The following DEFB119 variants were observed in gnomAD, a reference collection of about 807,000 sequenced individuals.
DEFB119 encodes the protein beta-defensin 119.
A neutral mutation model predicts 2.5 loss-of-function variants in DEFB119; 3 were observed. The ratio of observed to expected loss-of-function variants is 1.19; its 90% CI spans 0.54 to 3.07. DEFB119 has a LOEUF of 3.07. Ranked by LOEUF, DEFB119 falls within the 30% of genes most tolerant of loss-of-function variation. DEFB119 has a pLI of 0.03. For synonymous variants in DEFB119, 29 were observed against 33.7 expected (o/e 0.86, Z 0.48); for missense variants, 113 against 101.1 (o/e 1.12, Z -0.50).
intron 1 of DEFB119, among the ~76,000 whole-genome samples, chr20:31,387,621 C>T (rs1372863126): frequency 2.0e-5 from 3 of 152,170 alleles, no homozygotes; most frequent in Non-Finnish European, 4.4e-5. Context: ...CCTAGCTCTG[C>T]CCACAGACCC....
intron 1 of DEFB119, among the ~76,000 whole-genome samples, chr20:31,383,844 AAAATAAATAAAT>A (rs528889341): frequency 2.0e-5 from 3 of 151,620 alleles, no homozygotes; most frequent in Non-Finnish European, 2.9e-5. Flanking sequence ...CTCTGTCTCA[AAAATAAATAAAT>A]AAATAAATAA....
At chr20:31,382,799 G>T (rs1181713717) in intron 1 of DEFB119, among the ~76,000 whole-genome samples, 1 of 152,254 alleles carries the variant, frequency 6.6e-6, no homozygotes, top group African/African-American at 2.4e-5. Context: ...GCATGCAGAT[G>T]TAAATAAAAC....
Position 31,378,377 on chromosome 20 carries a change from C to T in DEFB119, c.62-938G>A, listed in dbSNP as rs747169738. 6 of 1,614,094 alleles carry T rather than the reference C, an allele frequency of 3.7e-6. No individual in the cohort carries two copies. In the Admixed American group the frequency reaches 5.0e-5, roughly 13 times the overall value. On this transcript the variant is annotated intron_variant, in intron 1 of 1. Coordinates refer to ENST00000376321, the MANE Select transcript of DEFB119 (RefSeq NM_153289.4). Reference sequence around the variant, plus strand: ...CTGGCAGTATCCAGGCAGCATCCCACTGTCCTCACCAGAGCTGTATCAGAG... The same window carrying T: ...CTGGCAGTATCCAGGCAGCATCCCATTGTCCTCACCAGAGCTGTATCAGAG...
At chr20:31,384,996 A>G (rs1049028719) in intron 1 of DEFB119, among the ~76,000 whole-genome samples, 2 of 152,242 alleles carry the variant, frequency 1.3e-5, no homozygotes, top group Admixed American at 6.5e-5. Flanking sequence ...AAAGAAAAGA[A>G]AACTGAAAAA....
At chr20:31,385,892 T>C (rs949477468) in intron 1 of DEFB119, among the ~76,000 whole-genome samples, 13 of 148,980 alleles carry the variant, frequency 8.7e-5, no homozygotes, top group African/African-American at 2.5e-5. Context: ...GAGAGACAGA[T>C]AGTGAGACAG....
At chr20:31,389,963 C>A (rs1336969800) in intron 1 of DEFB119, among the ~76,000 whole-genome samples, 1 of 152,092 alleles carries the variant, frequency 6.6e-6, no homozygotes, top group Non-Finnish European at 1.5e-5. Flanking sequence ...ATCCTCAACA[C>A]CAGCTCCACT....
At chr20:31,380,880 T>C (rs1986480684) in intron 1 of DEFB119, among the ~76,000 whole-genome samples, 1 of 152,230 alleles carries the variant, frequency 6.6e-6, no homozygotes, top group African/African-American at 2.4e-5. Context: ...TTTATCCTTT[T>C]TCAAATTTGT....
chr20:31,378,542 T>A, intron 1 of DEFB119: 1 of 1,288,832 alleles, frequency 7.8e-7, no homozygotes, highest in Non-Finnish European at 1.1e-6. Flanking sequence ...AAAAAGACAA[T>A]CAACAGAACT....
intron 1 of DEFB119, among the ~76,000 whole-genome samples, chr20:31,379,690 GTC>G (rs1986437939): frequency 6.8e-6 from 1 of 146,486 alleles, no homozygotes; most frequent in African/African-American, 2.5e-5. Flanking sequence ...GTGAGATGGA[GTC>G]TCTGTCTCTG....
At chr20:31,379,647 C>T (rs1360216768) in intron 1 of DEFB119, among the ~76,000 whole-genome samples, 2 of 142,062 alleles carry the variant, frequency 1.4e-5, no homozygotes, top group East Asian at 4.1e-4. Context: ...GTGCATGCCA[C>T]CACACCCAAC....
chr20:31,380,088 T>C (rs1053557890), intron 1 of DEFB119, among the ~76,000 whole-genome samples: 4 of 152,214 alleles, frequency 2.6e-5, no homozygotes, highest in Non-Finnish European at 5.9e-5. Context: ...TCACAGGGTG[T>C]TTCACAGAGT....
In DEFB119 at chr20:31,390,537, G is replaced by T. The variant is rs1260130202; in HGVS notation, c.-54C>A. ...CTGAGCTGCAGGGGAAGGAAATAGG[G>T]TTCCCTGCAGCACGGCAGAGATGAG... On this transcript the variant is annotated 5_prime_UTR_variant, in exon 1 of 2. Coordinates refer to ENST00000376321, the MANE Select transcript of DEFB119 (RefSeq NM_153289.4). 18 of 1,544,374 alleles carry T rather than the reference G, an allele frequency of 1.2e-5. No homozygotes were observed. Among genetic ancestry groups the T allele is most frequent in the Non-Finnish European group, 1.6e-5 (18 of 1,121,726 alleles).
At position 31,390,517 on chromosome 20, in the gene DEFB119, C is replaced by G. The variant is rs1197595273; in HGVS notation, c.-34G>C. On this transcript the variant is annotated 5_prime_UTR_variant, in exon 1 of 2. Transcript: ENST00000376321. Reference sequence around the variant, plus strand: ...GACCTGAGAGGAGGAGGTGGCTGAGCTGCAGGGGAAGGAAATAGGGTTCCC... The same window carrying G: ...GACCTGAGAGGAGGAGGTGGCTGAGGTGCAGGGGAAGGAAATAGGGTTCCC... 2 of 1,607,996 alleles carry G rather than the reference C, an allele frequency of 1.2e-6. No homozygotes were observed. Among genetic ancestry groups the G allele is most frequent in the Admixed American group, 3.4e-5 (2 of 58,792 alleles).
At chr20:31,381,779 C>G (rs1293752539) in intron 1 of DEFB119, among the ~76,000 whole-genome samples, 1 of 151,994 alleles carries the variant, frequency 6.6e-6, no homozygotes, top group African/African-American at 2.4e-5. Context: ...CCACTGCACT[C>G]CAGCCTGGGC....
rs569377570 is a variant in DEFB119 at position 31,385,850 on chromosome 20, A to G, written c.61+4573T>C. 1.1e-3 allele frequency among the ~76,000 whole-genome samples: 169 copies of G among 150,426 alleles called. 1 individual carries two copies. The highest frequency in any genetic ancestry group is 4.1e-3 in the African/African-American group (165 of 39,796). On this transcript the variant is annotated intron_variant, in intron 1 of 1. Coordinates refer to ENST00000376321, the MANE Select transcript of DEFB119 (RefSeq NM_153289.4). ...GCACTACTGCACTCCATCCTAGGCA[A>G]CCAAGCAAGACCGTGTCTCAAAAAA... is the stretch of plus-strand genomic sequence containing the variant.
At chr20:31,388,309 T>C (rs1986788778) in intron 1 of DEFB119, 1 of 985,706 alleles carries the variant, frequency 1.0e-6, no homozygotes, top group Non-Finnish European at 1.2e-6. Flanking sequence ...TGACGACATT[T>C]GTTGAGTGCT....
At chr20:31,381,237 A>G (rs1171892027) in intron 1 of DEFB119, among the ~76,000 whole-genome samples, 1 of 152,242 alleles carries the variant, frequency 6.6e-6, no homozygotes, top group East Asian at 1.9e-4. Context: ...ATATAGAAAT[A>G]CAATTGATTT....
chr20:31,377,987 G>A (rs1986363007), intron 1 of DEFB119, among the ~76,000 whole-genome samples: 2 of 152,306 alleles, frequency 1.3e-5, no homozygotes, highest in South Asian at 2.1e-4. Flanking sequence ...GGAGAGCCTC[G>A]ACTTCTGCCC....
At chr20:31,389,839 TAATCTAATCAAGTCACTAAC>T (rs1180459735) in intron 1 of DEFB119, among the ~76,000 whole-genome samples, 1 of 151,782 alleles carries the variant, frequency 6.6e-6, no homozygotes. Flanking sequence ...AATCTAACCC[TAATCTAATCAAGTCACTAAC>T]CTCAATTCCC....
Sources: allele counts gnomAD v4.1 joint callset (sites outside exome capture counted in the v4.1 genomes callset), GRCh38; gene constraint gnomAD v4.1.1; transcripts MANE v1.5; gene names NCBI Gene and HGNC (gene_info 2026-07-23, HGNC 2026-07-21).